Variants in PALLD observed in about 807,000 individuals in gnomAD.
The protein encoded by PALLD is palladin.
In PALLD, 61 loss-of-function variants were observed where a neutral mutation model predicts 123.5. The observed-to-expected ratio is 0.49, with a 90% CI of 0.40 to 0.61. The LOEUF is 0.61. Ranked by LOEUF, PALLD falls within the 20% of genes least tolerant of loss-of-function variation. PALLD has a pLI of 0.00. For missense variants in PALLD, 1,273 were observed against 1,377.0 expected (o/e 0.92, Z 1.20); for synonymous variants, 465 against 496.4 (o/e 0.94, Z 0.84).
intron 10 of PALLD, among the ~76,000 whole-genome samples, chr4:168,808,255 C>A (rs759647457): frequency 5.3e-5 from 8 of 151,330 alleles, no homozygotes; most frequent in Non-Finnish European, 1.2e-4. Flanking sequence ...CTGAGGTGGG[C>A]GGATCACAAG....
chr4:168,698,037 A>G (rs1259852267), intron 8 of PALLD, among the ~76,000 whole-genome samples: 6 of 152,254 alleles, frequency 3.9e-5, no homozygotes, highest in African/African-American at 1.4e-4. Context: ...CTATTCAGCC[A>G]TAAGAAGGAA....
intron 10 of PALLD, chr4:168,877,818 C>A: frequency 7.8e-7 from 1 of 1,280,862 alleles, no homozygotes; most frequent in Non-Finnish European, 9.8e-7. Flanking sequence ...AGCGCGCCGC[C>A]CTCGCCCCCC....
intron 2 of PALLD, among the ~76,000 whole-genome samples, chr4:168,596,235 A>T (rs1430946595): frequency 2.6e-5 from 4 of 152,172 alleles, no homozygotes; most frequent in African/African-American, 9.7e-5. Context: ...GAGGAGAAAG[A>T]TGCAGACTAT....
chr4:168,698,256 T>A (rs1307207439), intron 8 of PALLD, among the ~76,000 whole-genome samples: 1 of 152,124 alleles, frequency 6.6e-6, no homozygotes, highest in African/African-American at 2.4e-5. Flanking sequence ...TACAAAAATA[T>A]AGTTAGAAAG....
intron 2 of PALLD, among the ~76,000 whole-genome samples, chr4:168,635,424 A>G (rs748558033): frequency 3.3e-5 from 5 of 152,230 alleles, no homozygotes; most frequent in Admixed American, 1.3e-4. Flanking sequence ...GGCTACCACA[A>G]ACTGGCACAG....
chr4:168,677,506 A>AT (rs957819957), intron 3 of PALLD, among the ~76,000 whole-genome samples: 2 of 152,096 alleles, frequency 1.3e-5, no homozygotes, highest in Non-Finnish European at 2.9e-5. Flanking sequence ...ATCAGAAGGA[A>AT]TTTTTTGTTT....
At chr4:168,866,885 CAAAG>C (rs375859117) in intron 10 of PALLD, among the ~76,000 whole-genome samples, 110 of 152,250 alleles carry the variant, frequency 7.2e-4, no homozygotes, top group Middle Eastern at 3.4e-3. Context: ...ATCTCAATAA[CAAAG>C]AAATAGGGCA....
intron 10 of PALLD, among the ~76,000 whole-genome samples, chr4:168,769,430 A>G (rs1734109819): frequency 6.6e-6 from 1 of 152,216 alleles, no homozygotes; most frequent in African/African-American, 2.4e-5. Flanking sequence ...GATGGAGAGC[A>G]GAGTCTGGGA....
At chr4:168,578,787 G>A (rs1372480490) in intron 2 of PALLD, among the ~76,000 whole-genome samples, 1 of 151,824 alleles carries the variant, frequency 6.6e-6, no homozygotes, top group East Asian at 1.9e-4. Flanking sequence ...ATAGATCAAT[G>A]GATAGATAGA....
At chr4:168,627,711 A>G (rs1185014721) in intron 2 of PALLD, among the ~76,000 whole-genome samples, 1 of 152,224 alleles carries the variant, frequency 6.6e-6, no homozygotes, top group East Asian at 1.9e-4. Flanking sequence ...ATGAGAAAAC[A>G]ATCTGAAACT....
At chr4:168,785,491 C>T (rs1033809813) in intron 10 of PALLD, among the ~76,000 whole-genome samples, 2 of 152,132 alleles carry the variant, frequency 1.3e-5, no homozygotes, top group African/African-American at 4.8e-5. Context: ...TAAACCAAAA[C>T]AATGCACTCG....
intron 12 of PALLD, chr4:168,894,907 C>T (rs1754784218): frequency 1.6e-6 from 1 of 612,182 alleles, no homozygotes; most frequent in Admixed American, 3.0e-5. Context: ...TTTTATTCTT[C>T]TTCTTGATTA....
At chr4:168,604,023 A>T (rs1463441941) in intron 2 of PALLD, among the ~76,000 whole-genome samples, 1 of 152,230 alleles carries the variant, frequency 6.6e-6, no homozygotes, top group African/African-American at 2.4e-5. Context: ...TCTGGAAAAA[A>T]CTATTCTACA....
intron 10 of PALLD, among the ~76,000 whole-genome samples, chr4:168,713,997 T>C (rs1223276620): frequency 2.7e-5 from 4 of 147,216 alleles, no homozygotes; most frequent in Non-Finnish European, 4.5e-5. Flanking sequence ...AACATATTCT[T>C]AGGGAATCAC....
chr4:168,710,763 C>T (rs1461978607), intron 9 of PALLD, among the ~76,000 whole-genome samples: 4 of 152,144 alleles, frequency 2.6e-5, no homozygotes, highest in African/African-American at 9.7e-5. Context: ...ATCAAATGGC[C>T]ATAGCAGGAG....
intron 10 of PALLD, among the ~76,000 whole-genome samples, chr4:168,763,807 A>C (rs995933972): frequency 6.6e-6 from 1 of 151,860 alleles, no homozygotes; most frequent in African/African-American, 2.4e-5. Context: ...AATGAATGCA[A>C]CTCCCATTCC....
chr4:168,564,932 C>T (rs1768217919), intron 2 of PALLD, among the ~76,000 whole-genome samples: 1 of 151,730 alleles, frequency 6.6e-6, no homozygotes, highest in Admixed American at 6.6e-5. Flanking sequence ...TGGCTCATGC[C>T]CGTAATCCCA....
intron 3 of PALLD, among the ~76,000 whole-genome samples, chr4:168,673,320 A>G (rs1277235070): frequency 2.6e-5 from 4 of 152,218 alleles, no homozygotes; most frequent in Non-Finnish European, 5.9e-5. Context: ...CAAAGAGATG[A>G]CATTTGGTCT....
chr4:168,905,960 C>T (rs986394668), intron 15 of PALLD, among the ~76,000 whole-genome samples: 2 of 151,762 alleles, frequency 1.3e-5, no homozygotes, highest in Non-Finnish European at 2.9e-5. Context: ...TTAATAGAGA[C>T]GGGGTTTCAC....
Sources: gnomAD v4.1 joint callset for allele counts (sites outside exome capture counted in the v4.1 genomes callset) on GRCh38, gnomAD v4.1.1 for gene constraint, MANE v1.5 for transcripts, NCBI Gene and HGNC (gene_info 2026-07-23, HGNC 2026-07-21) for gene names.